Variants in ADGRV1 observed in about 807,000 individuals in gnomAD.
The protein encoded by ADGRV1 is adhesion G protein-coupled receptor V1, also known as G-protein coupled receptor 98.
In ADGRV1, 359 loss-of-function variants were observed where a neutral mutation model predicts 596.2. The observed-to-expected ratio is 0.60, with a 90% confidence interval of 0.55 to 0.66. ADGRV1 has a LOEUF of 0.66. Among genes scored for constraint, ADGRV1 ranks in the 30% least tolerant of loss-of-function variants. ADGRV1 has a pLI of 0.00. For synonymous variants in ADGRV1, 2,681 were observed against 2,679.2 expected, an observed-to-expected ratio of 1.00 and a Z score of -0.02; for missense variants, 7,274 against 7,575.6, an observed-to-expected ratio of 0.96 and a Z score of 1.48.
intron 84 of ADGRV1, among the ~76,000 whole-genome samples, chr5:90,974,463 CA>C (rs1779364723): frequency 6.6e-6 from 1 of 152,140 alleles, no homozygotes; most frequent in Admixed American, 6.5e-5. Context: ...TACAAGGCTA[CA>C]TTAACCAAAA....
intron 50 of ADGRV1, among the ~76,000 whole-genome samples, chr5:90,740,438 A>G (rs1753812787): frequency 1.3e-5 from 2 of 152,206 alleles, no homozygotes. Flanking sequence ...TTTACTCAGC[A>G]GATAATTATC....
intron 2 of ADGRV1, chr5:90,617,514 T>A (rs1763521104): frequency 9.7e-6 from 2 of 206,210 alleles, no homozygotes; most frequent in Non-Finnish European, 2.0e-5. Context: ...TTCACCATAT[T>A]GGCCAGGCTG....
At position 90,614,955 on chromosome 5, in the gene ADGRV1, C is replaced by G; in HGVS notation, c.143C>G (p.Thr48Arg). The G allele has an allele frequency of 1.3e-6, 2 of 1,583,456 alleles. No homozygotes were observed. The highest frequency in any genetic ancestry group is 1.7e-6 in the Non-Finnish European group (2 of 1,162,098). Residue 48 changes from threonine (T) to arginine (R), a missense_variant, in exon 2 of 90, where the codon ACA becomes AGA. By Grantham distance (71) the Thr-to-Arg change is moderately conservative. This residue lies in a region of ADGRV1 where 1,715 missense variants were observed against 1,708.8 expected (regional missense o/e 1.00). Transcript: ENST00000405460. ...GAATTTGTTGTTAATGAAACAAGTA[C>G]AACAGTTATTCGTCTTATCATTGAA... Reference protein sequence around the residue: ...QTEFVVNETSTTVIRLIIERI... With the variant: ...QTEFVVNETSRTVIRLIIERI...
intron 83 of ADGRV1, among the ~76,000 whole-genome samples, chr5:90,930,841 A>G (rs578216669): frequency 2.6e-5 from 4 of 152,298 alleles, no homozygotes; most frequent in African/African-American, 7.2e-5. Flanking sequence ...CCTGCATAAT[A>G]TAGAATATCC....
chr5:90,645,804 C>CT (rs1767668789), intron 15 of ADGRV1, among the ~76,000 whole-genome samples, 164 bp from the exon 16 acceptor site: 1 of 151,976 alleles, frequency 6.6e-6, no homozygotes, highest in Admixed American at 6.6e-5. Context: ...TTGGGGGGGT[C>CT]TGAGTCTTAC....
intron 21 of ADGRV1, among the ~76,000 whole-genome samples, chr5:90,669,639 A>G (rs1211754523): frequency 6.6e-6 from 1 of 152,212 alleles, no homozygotes; most frequent in Non-Finnish European, 1.5e-5. Flanking sequence ...TAGAATGAGC[A>G]TTATCTAAAA....
chr5:90,890,224 T>C (rs1008632103), intron 83 of ADGRV1, among the ~76,000 whole-genome samples: 22 of 152,326 alleles, frequency 1.4e-4, no homozygotes, highest in African/African-American at 5.3e-4. Flanking sequence ...TTTCATACCA[T>C]GTTAGGTTTC....
chr5:90,864,671 T>A (rs903529899), intron 83 of ADGRV1, among the ~76,000 whole-genome samples: 1 of 152,112 alleles, frequency 6.6e-6, no homozygotes, highest in Non-Finnish European at 1.5e-5. Flanking sequence ...GGCCTAGACA[T>A]TTATATAGGC....
chr5:91,118,825 A>G (rs1204370558), intron 87 of ADGRV1, among the ~76,000 whole-genome samples: 1 of 152,106 alleles, frequency 6.6e-6, no homozygotes, highest in Non-Finnish European at 1.5e-5. Flanking sequence ...AGAGAATGGC[A>G]CCAGTCAGGG....
chr5:90,849,434 G>A (rs562820874), intron 79 of ADGRV1, among the ~76,000 whole-genome samples: 1 of 152,148 alleles, frequency 6.6e-6, no homozygotes, highest in Admixed American at 6.5e-5. Context: ...TTGTCGCCCA[G>A]GCTGGAGTGC....
intron 84 of ADGRV1, among the ~76,000 whole-genome samples, chr5:90,984,833 A>T (rs931128344): frequency 6.6e-6 from 1 of 152,172 alleles, no homozygotes; most frequent in African/African-American, 2.4e-5. Flanking sequence ...TTATTTGTCT[A>T]CACCTTCCAC....
intron 6 of ADGRV1, 127 bp downstream of exon 6, chr5:90,625,370 C>G (rs1455778970): frequency 7.3e-6 from 4 of 546,772 alleles, no homozygotes; most frequent in Non-Finnish European, 1.3e-5. Context: ...TGGAATACAT[C>G]TTATTACTAT....
intron 86 of ADGRV1, among the ~76,000 whole-genome samples, chr5:91,083,929 A>G (rs1789638380): frequency 6.6e-6 from 1 of 152,176 alleles, no homozygotes. Flanking sequence ...GGGCAACATG[A>G]GAGAAATAAA....
chr5:91,072,286 ATGT>A (rs1268201164), intron 85 of ADGRV1, among the ~76,000 whole-genome samples, 158 bp from the exon 86 acceptor site: 11 of 152,178 alleles, frequency 7.2e-5, no homozygotes, highest in African/African-American at 2.4e-4. Context: ...ATTTAATCAG[ATGT>A]TGTACTCAAA....
At chr5:90,791,484 G>T (rs1370981007) in intron 70 of ADGRV1, 138 bp downstream of exon 70, 5 of 621,266 alleles carry the variant, frequency 8.0e-6, no homozygotes, top group Admixed American at 2.9e-5. Flanking sequence ...AAAATGTTTA[G>T]TAACTACTGG....
chr5:90,926,627 G>A (rs1435820640), intron 83 of ADGRV1, among the ~76,000 whole-genome samples: 15 of 151,474 alleles, frequency 9.9e-5, no homozygotes, highest in South Asian at 8.4e-4. Flanking sequence ...TTGTGTCTCT[G>A]TTTCCTTCAG....
rs765705070 is a variant in ADGRV1 at position 90,763,470 on chromosome 5, G to A, written c.12285+1G>A. On this transcript the variant is annotated splice_donor_variant, in intron 59 of 89. Transcript: ENST00000405460. LOFTEE classifies it high-confidence loss of function. ...GAATGGGACCCTTCATTTTGATGAG[G>A]TATAGTCAGCATTAGCACTCCTGTA... 1.2e-6 allele frequency: 2 copies of A among 1,606,658 alleles called. No individual in the cohort carries two copies. Among genetic ancestry groups the A allele is most frequent in the South Asian group, 1.1e-5 (1 of 90,144 alleles).
At chr5:91,041,441 A>G (rs1785341916) in intron 85 of ADGRV1, among the ~76,000 whole-genome samples, 1 of 152,044 alleles carries the variant, frequency 6.6e-6, no homozygotes, top group Admixed American at 6.6e-5. Flanking sequence ...AACAATGAGA[A>G]CACATGGACA....
At chr5:91,105,000 G>C (rs1056787531) in intron 87 of ADGRV1, among the ~76,000 whole-genome samples, 4 of 151,580 alleles carry the variant, frequency 2.6e-5, no homozygotes, top group African/African-American at 4.8e-5. Flanking sequence ...TGGGACTACA[G>C]GCACATGCCA....
Sources: allele counts gnomAD v4.1 joint callset (sites outside exome capture counted in the v4.1 genomes callset), GRCh38; gene constraint gnomAD v4.1.1; regional missense constraint gnomAD v4.1.1; transcripts MANE v1.5; gene names NCBI Gene and HGNC (gene_info 2026-07-23, HGNC 2026-07-21).